Variants in CDH12 observed in about 807,000 individuals in gnomAD.
CDH12 encodes the protein cadherin-12.
In CDH12, 41 loss-of-function variants were observed where a neutral mutation model predicts 74.1. That is an observed-to-expected ratio of 0.55 (90% confidence interval 0.43 to 0.72). The LOEUF is 0.72. CDH12 is among the 30% of genes least tolerant of loss of function. The pLI is 0.00. For synonymous variants in CDH12, 399 were observed against 355.0 expected (o/e 1.12, Z -1.39); for missense variants, 945 against 977.2 (o/e 0.97, Z 0.44).
intron 1 of CDH12, among the ~76,000 whole-genome samples, chr5:22,754,061 C>A (rs909944322): frequency 6.6e-6 from 1 of 152,094 alleles, no homozygotes; most frequent in Non-Finnish European, 1.5e-5. Context: ...TCCAAATTGA[C>A]TACTTGAAGT....
chr5:22,848,876 T>C (rs1310762159), intron 1 of CDH12, among the ~76,000 whole-genome samples: 1 of 152,204 alleles, frequency 6.6e-6, no homozygotes, highest in Non-Finnish European at 1.5e-5. Flanking sequence ...TTTTCTGTAT[T>C]GTACTTTTTT....
intron 2 of CDH12, among the ~76,000 whole-genome samples, chr5:22,412,715 T>G (rs1455054744): frequency 6.6e-6 from 1 of 151,910 alleles, no homozygotes; most frequent in East Asian, 1.9e-4. Flanking sequence ...TGGGCACACT[T>G]AGGCTATACT....
intron 5 of CDH12, among the ~76,000 whole-genome samples, chr5:22,071,843 G>C (rs1741959699): frequency 6.6e-6 from 1 of 152,042 alleles, no homozygotes; most frequent in African/African-American, 2.4e-5. Context: ...TAATAAAACA[G>C]AAGTCAGAAA....
intron 1 of CDH12, among the ~76,000 whole-genome samples, chr5:22,713,384 G>A (rs1207178174): frequency 1.3e-5 from 2 of 151,556 alleles, no homozygotes; most frequent in African/African-American, 4.9e-5. Context: ...CTCATGATCT[G>A]CCCACCTTGG....
At chr5:22,087,943 T>G (rs556384773) in intron 4 of CDH12, among the ~76,000 whole-genome samples, 1 of 152,284 alleles carries the variant, frequency 6.6e-6, no homozygotes, top group African/African-American at 2.4e-5. Flanking sequence ...TTGGAGAAAA[T>G]TCCAGTTGTA....
intron 1 of CDH12, among the ~76,000 whole-genome samples, chr5:22,747,488 G>T (rs1355271745): frequency 6.6e-6 from 1 of 150,498 alleles, no homozygotes; most frequent in Non-Finnish European, 1.5e-5. Context: ...ACAAAAATTG[G>T]CTGGGTATGG....
At chr5:22,666,309 A>G (rs1161674410) in intron 1 of CDH12, among the ~76,000 whole-genome samples, 18 of 82,364 alleles carry the variant, frequency 2.2e-4, no homozygotes, top group Non-Finnish European at 3.2e-4. Flanking sequence ...TTTGTTTTTG[A>G]GACGGAGTCT....
chr5:21,930,546 A>C (rs1754786256), intron 6 of CDH12, among the ~76,000 whole-genome samples: 1 of 152,176 alleles, frequency 6.6e-6, no homozygotes, highest in Non-Finnish European at 1.5e-5. Flanking sequence ...TCCTGATTAT[A>C]ACCTGTTTCT....
chr5:21,831,622 T>C (rs994510793), intron 8 of CDH12, among the ~76,000 whole-genome samples: 1 of 151,806 alleles, frequency 6.6e-6, no homozygotes, highest in African/African-American at 2.4e-5. Context: ...AGGAGAGGTA[T>C]GGGGAGATCA....
chr5:22,059,772 A>G (rs1331573789), intron 5 of CDH12, among the ~76,000 whole-genome samples: 2 of 152,310 alleles, frequency 1.3e-5, no homozygotes, highest in African/African-American at 4.8e-5. Flanking sequence ...GTTTAAAAAA[A>G]TAATTCTGTA....
At chr5:21,980,337 G>A (rs763235865) in intron 5 of CDH12, among the ~76,000 whole-genome samples, 3 of 152,004 alleles carry the variant, frequency 2.0e-5, no homozygotes, top group Non-Finnish European at 4.4e-5. Context: ...ACCCTGGACA[G>A]TTACCACATA....
intron 2 of CDH12, among the ~76,000 whole-genome samples, chr5:22,499,914 C>T: frequency 6.6e-6 from 1 of 152,122 alleles, no homozygotes; most frequent in East Asian, 1.9e-4. Flanking sequence ...TAATTATGTA[C>T]TGACTACCTA....
rs752363949 is a variant in CDH12 at position 22,039,366 on chromosome 5, G to T, written c.231+39080C>A. On this transcript the variant is annotated intron_variant, in intron 5 of 14. Transcript: ENST00000382254. ...TACTAGGGGGTGCCTCAGAGTCACAGACCCCAGCTCTTGTGGGCAATCTAC... is the reference window on the plus strand; with the variant it reads ...TACTAGGGGGTGCCTCAGAGTCACATACCCCAGCTCTTGTGGGCAATCTAC... Among the ~76,000 whole-genome samples the T allele has an allele frequency of 2.8e-4, 42 of 152,054 alleles. 1 individual carries two copies. Among genetic ancestry groups the T allele is most frequent in the Non-Finnish European group, 3.5e-4 (24 of 68,010 alleles).
Position 22,426,056 on chromosome 5 carries a change from G to A in CDH12, c.-427-20705C>T, listed in dbSNP as rs549470381. On this transcript the variant is annotated intron_variant, in intron 2 of 14. Transcript: ENST00000382254. Reference sequence around the variant, plus strand: ...ACAAAAATTAGCTGGGTGTGGTGGCGGGCGCCTGTAGTTCCAGCTACTCAG... The same window carrying A: ...ACAAAAATTAGCTGGGTGTGGTGGCAGGCGCCTGTAGTTCCAGCTACTCAG... Among the ~76,000 whole-genome samples the A allele has an allele frequency of 8.6e-5, 13 of 151,778 alleles. 1 individual carries two copies. The South Asian group carries it at 1.5e-3, about 17-fold the overall frequency.
intron 1 of CDH12, among the ~76,000 whole-genome samples, chr5:22,833,286 A>C (rs1176355355): frequency 1.3e-5 from 2 of 152,214 alleles, no homozygotes; most frequent in African/African-American, 2.4e-5. Context: ...AGTACAAAGA[A>C]AGTAAGGAGA....
chr5:22,181,267 T>G (rs1484548543), intron 4 of CDH12, among the ~76,000 whole-genome samples: 1 of 151,874 alleles, frequency 6.6e-6, no homozygotes, highest in Non-Finnish European at 1.5e-5. Flanking sequence ...TTAGTAAGCT[T>G]TTTTTTTGCA....
At chr5:22,102,818 C>T (rs10473573) in intron 4 of CDH12, among the ~76,000 whole-genome samples, 86,159 of 151,932 alleles carry the variant, frequency 0.57, 24,773 homozygotes, top group African/African-American at 0.66. Flanking sequence ...AGTAGATTCA[C>T]GCTCTCTCTC....
At chr5:22,311,150 C>T (rs1738372256) in intron 3 of CDH12, among the ~76,000 whole-genome samples, 1 of 152,042 alleles carries the variant, frequency 6.6e-6, no homozygotes, top group South Asian at 2.1e-4. Context: ...AACTTTCACG[C>T]AAGTAGAGAG....
chr5:22,019,165 A>G (rs1315833932), intron 5 of CDH12, among the ~76,000 whole-genome samples: 1 of 151,932 alleles, frequency 6.6e-6, no homozygotes, highest in Non-Finnish European at 1.5e-5. Flanking sequence ...CTCTCCATCT[A>G]TCTATGGCCT....
Sources: gnomAD v4.1 joint callset for allele counts (sites outside exome capture counted in the v4.1 genomes callset) on GRCh38, gnomAD v4.1.1 for gene constraint, MANE v1.5 for transcripts, NCBI Gene and HGNC (gene_info 2026-07-23, HGNC 2026-07-21) for gene names.